TMEM87A: variants seen among roughly 807,000 people sequenced by gnomAD.
TMEM87A encodes Golgi-pH regulating cation channel.
TMEM87A carries 50 observed loss-of-function variants against 90.0 expected under a neutral mutation model. The observed-to-expected ratio is 0.56, with a 90% CI of 0.44 to 0.70. The LOEUF is 0.70. Among genes scored for constraint, TMEM87A ranks in the 30% least tolerant of loss-of-function variants. TMEM87A has a pLI of 0.00. For missense variants in TMEM87A, 577 were observed against 660.5 expected, an observed-to-expected ratio of 0.87 and a Z score of 1.39; for synonymous variants, 226 against 226.7, an observed-to-expected ratio of 1.00 and a Z score of 0.03.
At position 42,231,238 on chromosome 15, in the gene TMEM87A, A is replaced by G. The variant is rs1240950459; in HGVS notation, c.1085T>C (p.Leu362Ser). The change falls in exon 12 of 20, where the codon TTG (leucine) becomes TCG (serine). Residue 362 changes from leucine (L) to serine (S), a missense_variant. Physicochemically the swap from Leu to Ser is moderately radical, Grantham distance 145 (BLOSUM62 -2). Transcript: ENST00000389834. ...TAGGAAAGCCAAGGGGATAAAGGCC[A>G]AGGAAGCAAGATCAGTCTGGGCCTG... is the stretch of plus-strand genomic sequence containing the variant. ...VTGAQTDLAS[L>S]AFIPLAFLDT... is the part of the protein sequence containing the mutation. The G allele has an allele frequency of 6.3e-7, 1 of 1,591,720 alleles. No individual in the cohort carries two copies. The highest frequency in any genetic ancestry group is 8.5e-7 in the Non-Finnish European group (1 of 1,170,894).
In TMEM87A at chr15:42,236,474, G is replaced by C. The variant is rs1274685875; in HGVS notation, c.869-55C>G. On this transcript the variant is annotated intron_variant, in intron 9 of 19. Coordinates refer to ENST00000389834, the MANE Select transcript of TMEM87A (RefSeq NM_015497.5). ...ATAATCTAGGTTTGGCAACAGGCCA[G>C]ATGCCAATACTAGACTGCTGCTTTC... The C allele has an allele frequency of 1.0e-5, 15 of 1,457,842 alleles. No individual in the cohort carries two copies. In the East Asian group the frequency reaches 3.4e-4, roughly 33 times the overall value. 90.3% of individuals were successfully genotyped at this position (1,457,842 alleles called of 1,614,324 possible). A position where few individuals can be genotyped will look rare whatever the true frequency, so the allele number is the denominator to read the frequency against.
At chr15:42,264,238 C>T in intron 3 of TMEM87A, 35 bp from the exon 4 acceptor site, 1 of 1,460,516 alleles carries the variant, frequency 6.8e-7, no homozygotes, top group South Asian at 1.2e-5. Context: ...AGTTAACTCA[C>T]CTTCCAAAAA....
chr15:42,268,015 C>A lies in TMEM87A; in HGVS notation c.223G>T (p.Asp75Tyr). The part of the protein sequence containing the change: ...IFLKFDGEPC[D>Y]LSLNITWYLK... The stretch of plus-strand genomic sequence containing the variant: ...TACCAGGTTATATTCAAAGACAGGT[C>A]ACAAGGTTCTCCATCAACTACAAAA... The change falls in exon 3 of 20, where the codon GAC becomes TAC. Residue 75 changes from aspartate to tyrosine, a missense_variant. Asp to Tyr is a radical substitution (Grantham distance 160). Transcript: ENST00000389834. 1 of 1,612,864 alleles carries A rather than the reference C, an allele frequency of 6.2e-7. No individual in the cohort carries two copies. Among genetic ancestry groups the A allele is most frequent in the South Asian group, 1.1e-5 (1 of 90,858 alleles).
intron 6 of TMEM87A, among the ~76,000 whole-genome samples, chr15:42,247,470 G>A (rs893919529): frequency 1.3e-5 from 2 of 152,124 alleles, no homozygotes; most frequent in Admixed American, 6.6e-5. Context: ...TATATGAGGT[G>A]TAAGGAAGGG....
At chr15:42,252,833 G>C (rs1458081365) in intron 6 of TMEM87A, among the ~76,000 whole-genome samples, 4 of 151,976 alleles carry the variant, frequency 2.6e-5, no homozygotes, top group Admixed American at 2.0e-4. Context: ...CTGTAAATAT[G>C]CCATACGTTG....
intron 6 of TMEM87A, among the ~76,000 whole-genome samples, chr15:42,244,967 T>C (rs2050944589): frequency 6.6e-6 from 1 of 151,876 alleles, no homozygotes; most frequent in Non-Finnish European, 1.5e-5. Flanking sequence ...AATGAATAGC[T>C]GATTTTTTAT....
At chr15:42,239,851 T>C in intron 7 of TMEM87A, 120 bp from the exon 8 acceptor site, 1 of 832,846 alleles carries the variant, frequency 1.2e-6, no homozygotes, top group Non-Finnish European at 2.1e-6. Context: ...TTTTAGGCAC[T>C]TCAATCCTGG....
intron 7 of TMEM87A, among the ~76,000 whole-genome samples, chr15:42,242,020 T>TCA (rs1459691739): frequency 7.5e-6 from 1 of 134,022 alleles, no homozygotes; most frequent in Non-Finnish European, 1.5e-5. Context: ...TGAGTCAAGA[T>TCA]CACACCACTG....
At chr15:42,257,307 T>C (rs1273948550) in intron 6 of TMEM87A, among the ~76,000 whole-genome samples, 1 of 151,776 alleles carries the variant, frequency 6.6e-6, no homozygotes, top group African/African-American at 2.4e-5. Context: ...GTTCCTTGAT[T>C]ATTAAAAAAA....
chr15:42,254,242 G>A (rs2051136955), intron 6 of TMEM87A, among the ~76,000 whole-genome samples: 1 of 152,114 alleles, frequency 6.6e-6, no homozygotes, highest in African/African-American at 2.4e-5. Flanking sequence ...CAGCCTACAA[G>A]AGTAGTTTTG....
chr15:42,273,193 G>A (rs2051588982), intron 1 of TMEM87A, 62 bp downstream of exon 1: 2 of 1,599,664 alleles, frequency 1.3e-6, no homozygotes, highest in South Asian at 2.2e-5. Flanking sequence ...TGGACCCCTT[G>A]GGCCGCCGTA....
intron 10 of TMEM87A, among the ~76,000 whole-genome samples, chr15:42,234,320 G>A (rs1488783278): frequency 6.6e-6 from 1 of 152,112 alleles, no homozygotes; most frequent in Non-Finnish European, 1.5e-5. Flanking sequence ...AAATCCTTAG[G>A]TGATTCCTTA....
At chr15:42,267,179 G>A (rs540626361) in intron 3 of TMEM87A, among the ~76,000 whole-genome samples, 2 of 152,276 alleles carry the variant, frequency 1.3e-5, no homozygotes, top group South Asian at 4.1e-4. Context: ...AGTGTGAAAT[G>A]AGTTAATATT....
chr15:42,243,111 C>T (rs749743105), intron 7 of TMEM87A, among the ~76,000 whole-genome samples: 1 of 151,658 alleles, frequency 6.6e-6, no homozygotes, highest in South Asian at 2.1e-4. Context: ...CTAAAAAATA[C>T]AAAAAAATTA....
chr15:42,214,725 A>G (rs1316438788), intron 19 of TMEM87A, among the ~76,000 whole-genome samples: 2 of 152,242 alleles, frequency 1.3e-5, no homozygotes, highest in Non-Finnish European at 2.9e-5. Context: ...AGAATTAGAC[A>G]TAAGATTTGA....
chr15:42,248,249 C>CT, intron 6 of TMEM87A, among the ~76,000 whole-genome samples: 1 of 152,300 alleles, frequency 6.6e-6, no homozygotes, highest in East Asian at 1.9e-4. Context: ...TTGACTTCCT[C>CT]TTTTCCTAAT....
intron 6 of TMEM87A, among the ~76,000 whole-genome samples, 198 bp from the exon 7 acceptor site, chr15:42,244,365 G>C: frequency 6.6e-6 from 1 of 151,796 alleles, no homozygotes; most frequent in Non-Finnish European, 1.5e-5. Context: ...TTACTGAAAG[G>C]CAAGATACCA....
chr15:42,248,318 T>C (rs528900716), intron 6 of TMEM87A, among the ~76,000 whole-genome samples: 29 of 152,196 alleles, frequency 1.9e-4, no homozygotes, highest in Non-Finnish European at 3.5e-4. Flanking sequence ...TCCAACACTA[T>C]GTTGAATAGG....
chr15:42,225,009 AAAG>A (rs777378636), intron 15 of TMEM87A, among the ~76,000 whole-genome samples: 1 of 152,242 alleles, frequency 6.6e-6, no homozygotes, highest in Non-Finnish European at 1.5e-5. Flanking sequence ...GACGGATATA[AAAG>A]AAGGGTCTCC....
Sources: gnomAD v4.1 joint callset for allele counts (sites outside exome capture counted in the v4.1 genomes callset) on GRCh38, gnomAD v4.1.1 for gene constraint, MANE v1.5 for transcripts, NCBI Gene and HGNC (gene_info 2026-07-23, HGNC 2026-07-21) for gene names.